FOXN3: variants seen among roughly 807,000 people sequenced by gnomAD.
FOXN3 encodes the protein forkhead box N3.
In FOXN3, 7 loss-of-function variants were observed where a neutral mutation model predicts 38.4. The observed-to-expected ratio is 0.18, with a 90% CI of 0.10 to 0.34. The LOEUF is 0.34. Among genes scored for constraint, FOXN3 ranks in the 10% least tolerant of loss-of-function variants. The pLI is 1.00. For synonymous variants in FOXN3, 230 were observed against 242.2 expected (o/e 0.95, Z 0.47); for missense variants, 456 against 613.4 (o/e 0.74, Z 2.71).
chr14:89,329,572 C>A (rs1308349845), intron 3 of FOXN3, among the ~76,000 whole-genome samples: 2 of 152,066 alleles, frequency 1.3e-5, no homozygotes, highest in Non-Finnish European at 2.9e-5. Flanking sequence ...AATTCTCTGG[C>A]CCCTGCCGGA....
intron 3 of FOXN3, among the ~76,000 whole-genome samples, chr14:89,296,658 C>T (rs565027299): frequency 6.6e-6 from 1 of 152,262 alleles, no homozygotes; most frequent in African/African-American, 2.4e-5. Context: ...CATTTCTCAA[C>T]CGAGTCTCGC....
At chr14:89,340,362 C>T (rs887903833) in intron 3 of FOXN3, among the ~76,000 whole-genome samples, 22 of 152,054 alleles carry the variant, frequency 1.4e-4, no homozygotes, top group Non-Finnish European at 3.2e-4. Context: ...GATTAAGCAA[C>T]TCAATTTGAG....
chr14:89,552,719 C>T (rs1596315326), intron 1 of FOXN3, among the ~76,000 whole-genome samples: 1 of 152,128 alleles, frequency 6.6e-6, no homozygotes, highest in African/African-American at 2.4e-5. Flanking sequence ...GTTAGCTGAG[C>T]GTGGTGGCAT....
chr14:89,528,344 G>C (rs992952938), intron 1 of FOXN3, among the ~76,000 whole-genome samples: 1 of 131,444 alleles, frequency 7.6e-6, no homozygotes, highest in African/African-American at 2.8e-5. Context: ...AAAGAGGATA[G>C]AAGTGTTCAT....
chr14:89,468,966 A>G (rs1336422571), intron 1 of FOXN3, among the ~76,000 whole-genome samples: 1 of 152,158 alleles, frequency 6.6e-6, no homozygotes, highest in Non-Finnish European at 1.5e-5. Context: ...CCTGACACAA[A>G]AGCCAAGTGA....
chr14:89,331,253 CTA>C (rs1355781280), intron 3 of FOXN3, among the ~76,000 whole-genome samples: 4 of 152,156 alleles, frequency 2.6e-5, no homozygotes, highest in Admixed American at 6.6e-5. Flanking sequence ...CTTTCTGTCT[CTA>C]TGTTATTTGT....
intron 4 of FOXN3, among the ~76,000 whole-genome samples, chr14:89,266,641 G>T (rs890415545): frequency 8.5e-5 from 13 of 152,166 alleles, no homozygotes; most frequent in African/African-American, 3.1e-4. Context: ...TTACAGTCTG[G>T]CTGGAAGACA....
chr14:89,192,217 AATATTAT>A (rs1887969013), intron 4 of FOXN3, among the ~76,000 whole-genome samples: 1 of 146,922 alleles, frequency 6.8e-6, no homozygotes, highest in Non-Finnish European at 1.5e-5. Context: ...TATGTATATG[AATATTAT>A]ATATTAAGTA....
intron 4 of FOXN3, among the ~76,000 whole-genome samples, chr14:89,266,441 G>A (rs558456344): frequency 2.4e-4 from 37 of 152,176 alleles, no homozygotes; most frequent in South Asian, 4.1e-4. Context: ...AGTCACATGC[G>A]GGGCGGTGGT....
rs374694304 is a variant in FOXN3 at position 89,438,769 on chromosome 14, C to CT, written c.-14-26280dup. 2.2e-3 allele frequency among the ~76,000 whole-genome samples: 318 copies of CT among 146,688 alleles called. 2 individuals are homozygous for CT. Among genetic ancestry groups the CT allele is most frequent in the South Asian group, 0.012 (55 of 4,664 alleles). On this transcript the variant is annotated intron_variant, in intron 1 of 6. Transcript: ENST00000345097. Reference sequence around the variant, plus strand: ...CTGGTACTTTTACATTCTTTTCTTTCTTTTTTTTTTTGAGACGATGTTTCA... The same window carrying CT: ...CTGGTACTTTTACATTCTTTTCTTTCTTTTTTTTTTTTGAGACGATGTTTCA...
intron 5 of FOXN3, among the ~76,000 whole-genome samples, chr14:89,175,367 A>G (rs1158753048): frequency 6.6e-6 from 1 of 152,206 alleles, no homozygotes; most frequent in African/African-American, 2.4e-5. Flanking sequence ...GGCTTTGCCA[A>G]CAAATGTACT....
intron 4 of FOXN3, among the ~76,000 whole-genome samples, chr14:89,192,861 T>C (rs1039785388): frequency 2.0e-5 from 3 of 150,272 alleles, no homozygotes; most frequent in Non-Finnish European, 4.4e-5. Flanking sequence ...GCTAAAAAAC[T>C]AAAAGTTCTT....
intron 1 of FOXN3, among the ~76,000 whole-genome samples, chr14:89,578,887 G>C (rs1270106632): frequency 6.6e-6 from 1 of 152,036 alleles, no homozygotes; most frequent in Non-Finnish European, 1.5e-5. Context: ...TTGCTCCTTC[G>C]CCCAGGCAGG....
chr14:89,465,649 G>C (rs903254243), intron 1 of FOXN3, among the ~76,000 whole-genome samples: 1 of 152,170 alleles, frequency 6.6e-6, no homozygotes, highest in Non-Finnish European at 1.5e-5. Context: ...AAACTCACAG[G>C]GTTCAGAGTT....
At chr14:89,418,980 CTT>C (rs1375652521), upstream of FOXN3, among the ~76,000 whole-genome samples, 1 of 143,226 alleles carries the variant, frequency 7.0e-6, no homozygotes, top group African/African-American at 2.5e-5. Flanking sequence ...CCAGAAATCT[CTT>C]TATATTAAGT....
intron 2 of FOXN3, among the ~76,000 whole-genome samples, chr14:89,388,052 C>T (rs927740795): frequency 6.6e-6 from 1 of 152,144 alleles, no homozygotes; most frequent in Non-Finnish European, 1.5e-5. Flanking sequence ...GGCGTGGTGG[C>T]GTGCACCTGT....
At chr14:89,469,402 C>T (rs954013467) in intron 1 of FOXN3, among the ~76,000 whole-genome samples, 1 of 152,248 alleles carries the variant, frequency 6.6e-6, no homozygotes, top group African/African-American at 2.4e-5. Flanking sequence ...GGTTGAGGGG[C>T]TTCTCCAACT....
At chr14:89,246,468 G>A (rs949051665) in intron 4 of FOXN3, among the ~76,000 whole-genome samples, 25 of 150,398 alleles carry the variant, frequency 1.7e-4, no homozygotes, top group African/African-American at 6.1e-4. Flanking sequence ...TACAGAGTGG[G>A]CAGAGAATCT....
At chr14:89,536,287 T>C (rs985207955) in intron 1 of FOXN3, among the ~76,000 whole-genome samples, 1 of 152,244 alleles carries the variant, frequency 6.6e-6, no homozygotes, top group African/African-American at 2.4e-5. Context: ...TGTAACTATC[T>C]GCATCTCTAA....
Sources: allele counts gnomAD v4.1 joint callset (sites outside exome capture counted in the v4.1 genomes callset), GRCh38; gene constraint gnomAD v4.1.1; transcripts MANE v1.5; gene names NCBI Gene and HGNC (gene_info 2026-07-23, HGNC 2026-07-21).